PPM1A: variants seen among roughly 807,000 people sequenced by gnomAD.
The protein encoded by PPM1A is protein phosphatase, Mg2+/Mn2+ dependent 1A, also known as protein phosphatase 1A.
In PPM1A, 7 loss-of-function variants were observed where a neutral mutation model predicts 35.0. The ratio of observed to expected loss-of-function variants is 0.20; its 90% CI spans 0.11 to 0.38. The LOEUF (loss-of-function observed/expected upper bound fraction) is 0.38, where lower values mean the gene tolerates loss of function less well. Ranked by LOEUF, PPM1A falls within the 10% of genes least tolerant of loss-of-function variation. The probability of loss-of-function intolerance (pLI) is 1.00; values close to 1 mark genes in which losing one functional copy is unlikely to be tolerated. For synonymous variants in PPM1A, 153 were observed against 167.3 expected, an observed-to-expected ratio of 0.91 and a Z score of 0.66; for missense variants, 239 against 467.8, an observed-to-expected ratio of 0.51 and a Z score of 4.51.
At position 60,282,662 on chromosome 14, in the gene PPM1A, T is replaced by A. The variant is rs556003424; in HGVS notation, c.-20-22T>A. 6.2e-7 allele frequency: 1 copy of A among 1,601,730 alleles called. No homozygotes were observed. The highest frequency in any genetic ancestry group is 2.2e-5 in the East Asian group (1 of 44,688). ...TTGTTTATAAGACAGTTATTGACTT[T>A]CCTGTTTCTCTTCCTTTGCAGACCT... On this transcript the variant is annotated intron_variant, in intron 1 of 5. Transcript: ENST00000395076. The surrounding 1 kb of genome is among the most constrained non-coding windows in gnomAD (Gnocchi z 5.1).
chr14:60,284,166 A>T (rs1179057743), intron 2 of PPM1A, among the ~76,000 whole-genome samples: 2 of 152,256 alleles, frequency 1.3e-5, no homozygotes, highest in African/African-American at 4.8e-5. Context: ...GGGATAATAT[A>T]CACAGGTGAG....
At chr14:60,288,185 AT>A in intron 3 of PPM1A, 2 of 984,734 alleles carry the variant, frequency 2.0e-6, no homozygotes, top group African/African-American at 1.7e-5. Context: ...GCTTTACATT[AT>A]TTTTTTACAA....
Position 60,296,142 on chromosome 14 carries a change from G to A in PPM1A, c.*3660G>A, listed in dbSNP as rs1888049527. The A allele has an allele frequency of 6.6e-6, 1 of 151,716 alleles. No individual in the cohort carries two copies. Among genetic ancestry groups the A allele is most frequent in the South Asian group, 2.1e-4 (1 of 4,836 alleles). The allele number at this position is 151,716 out of a possible 1,614,324, so 9.4% of individuals were successfully genotyped here. On this transcript the variant is annotated 3_prime_UTR_variant, in exon 6 of 6. Transcript: ENST00000395076. This position sits in a 1 kb window ranked among gnomAD's most constrained non-coding sequence, Gnocchi z 4.4. ...ATATCTCTAGCTAAATTTATCTTAA[G>A]TAGAACTCTGTGTTTTTGTAACACA...
chr14:60,270,423 C>T (rs748813616), intron 1 of PPM1A, among the ~76,000 whole-genome samples: 1 of 151,828 alleles, frequency 6.6e-6, no homozygotes, highest in Admixed American at 6.6e-5. Context: ...TTTTTAGTTA[C>T]TTTTTTATTT....
chr14:60,279,105 T>C (rs1886090131), intron 1 of PPM1A, among the ~76,000 whole-genome samples: 1 of 151,936 alleles, frequency 6.6e-6, no homozygotes, highest in Admixed American at 6.6e-5. Context: ...TCACCTGGGA[T>C]GCACTCTATT....
upstream of PPM1A, among the ~76,000 whole-genome samples, chr14:60,249,005 G>A (rs1417387976): frequency 1.3e-5 from 2 of 152,150 alleles, no homozygotes; most frequent in Non-Finnish European, 2.9e-5. This position sits in a 1 kb window ranked among gnomAD's most constrained non-coding sequence, Gnocchi z 4.5. Context: ...CAGCAGCAGC[G>A]GCAGAGAAAG....
chr14:60,288,981 C>G (rs377299543), intron 3 of PPM1A, among the ~76,000 whole-genome samples: 8 of 152,048 alleles, frequency 5.3e-5, no homozygotes, highest in Non-Finnish European at 1.2e-4. Context: ...GTTCTTTGTT[C>G]ATAATTTTTT....
chr14:60,288,871 CAA>C (rs1187151498), intron 3 of PPM1A, among the ~76,000 whole-genome samples: 1 of 152,038 alleles, frequency 6.6e-6, no homozygotes, highest in Non-Finnish European at 1.5e-5. Flanking sequence ...ATATAACTTA[CAA>C]ATACTTTTGA....
intron 1 of PPM1A, among the ~76,000 whole-genome samples, chr14:60,272,227 T>C (rs771190499): frequency 6.6e-6 from 1 of 152,194 alleles, no homozygotes; most frequent in Admixed American, 6.5e-5. Flanking sequence ...ATCATGTTAT[T>C]AGAGTTAAAC....
intron 1 of PPM1A, among the ~76,000 whole-genome samples, chr14:60,281,890 A>C (rs1392152349): frequency 2.0e-5 from 3 of 151,630 alleles, no homozygotes; most frequent in Admixed American, 2.0e-4. Context: ...TTACTATATG[A>C]TTAATAGATT....
Position 60,283,514 on chromosome 14 carries a change from G to A in PPM1A, c.811G>A (p.Val271Ile), listed in dbSNP as rs2139538092. 1 of 1,613,128 alleles carries A rather than the reference G, an allele frequency of 6.2e-7. No individual in the cohort carries two copies. Among genetic ancestry groups the A allele is most frequent in the South Asian group, 1.1e-5 (1 of 90,866 alleles). Residue 271 changes from valine (V) to isoleucine (I), a missense_variant, in exon 2 of 6, where the codon GTA becomes ATA. Around this residue, in one of 2 missense-constraint regions of PPM1A, gnomAD observed 175 missense variants for 389.2 expected, o/e 0.45. Transcript: ENST00000395076. This position sits in a 1 kb window ranked among gnomAD's most constrained non-coding sequence, Gnocchi z 6.3. ...TGACCTTGAGAAAGTTTGCAATGAAGTAGTCGACACCTGTTTGTATAAGGT... is the reference window on the plus strand; with the variant it reads ...TGACCTTGAGAAAGTTTGCAATGAAATAGTCGACACCTGTTTGTATAAGGT... Reference protein sequence around the residue: ...TDDLEKVCNEVVDTCLYKGSR... With the variant: ...TDDLEKVCNEIVDTCLYKGSR...
At position 60,249,665 on chromosome 14, in the gene PPM1A, G is replaced by A. The variant is rs1483201879; in HGVS notation, c.-33G>A. 2 of 984,198 alleles carry A rather than the reference G, an allele frequency of 2.0e-6. No homozygotes were observed. The allele number at this position is 984,198 out of a possible 1,614,324, so 61.0% of individuals were successfully genotyped here. A position where few individuals can be genotyped will look rare whatever the true frequency, so the allele number is the denominator to read the frequency against. On this transcript the variant is annotated 5_prime_UTR_variant, in exon 1 of 6. Transcript: ENST00000395076. The surrounding 1 kb of genome is among the most constrained non-coding windows in gnomAD (Gnocchi z 4.5). Reference sequence around the variant, plus strand: ...CGGCCGACCAGGGACCTGCCCGCCTGCGGCTGCTCCGGGTAAGTGCGGCGC... The same window carrying A: ...CGGCCGACCAGGGACCTGCCCGCCTACGGCTGCTCCGGGTAAGTGCGGCGC...
rs1358329881 is a variant in PPM1A, at chr14:60,294,550, A to G, written c.*2068A>G. The G allele has an allele frequency of 6.6e-6, 1 of 151,896 alleles. No homozygotes were observed. Among genetic ancestry groups the G allele is most frequent in the Non-Finnish European group, 1.5e-5 (1 of 67,828 alleles). 9.4% of individuals were successfully genotyped at this position (151,896 alleles called of 1,614,324 possible). ...TGGTACTGAAAGCTAAATCCCTATT[A>G]TAACAAACCAGTTCCTTAATATTTT... is the stretch of plus-strand genomic sequence containing the variant. On this transcript the variant is annotated 3_prime_UTR_variant, in exon 6 of 6. Coordinates refer to ENST00000395076, the MANE Select transcript of PPM1A (RefSeq NM_021003.5).
At position 60,296,774 on chromosome 14, in the gene PPM1A, TTTG is replaced by T. The variant is rs1405603151; in HGVS notation, c.*4295_*4297del. ...CAGAATAATAAGTCTCAGTTAAATG[TTTG>T]TTATTACTGATAGTCAAAATGCTCA... On this transcript the variant is annotated 3_prime_UTR_variant, in exon 6 of 6. Transcript: ENST00000395076. This position sits in a 1 kb window ranked among gnomAD's most constrained non-coding sequence, Gnocchi z 4.4. 8.9e-6 allele frequency: 3 copies of T among 338,276 alleles called. No homozygotes were observed. Among genetic ancestry groups the T allele is most frequent in the Non-Finnish European group, 5.5e-6 (1 of 183,480 alleles). 21.0% of individuals were successfully genotyped at this position (338,276 alleles called of 1,614,324 possible). A position where few individuals can be genotyped will look rare whatever the true frequency, so the allele number is the denominator to read the frequency against.
At chr14:60,262,035 T>A (rs886208568) in intron 1 of PPM1A, among the ~76,000 whole-genome samples, 12 of 152,348 alleles carry the variant, frequency 7.9e-5, no homozygotes, top group African/African-American at 2.9e-4. Flanking sequence ...TATCTTATAC[T>A]TAATTTTTTA....
At chr14:60,279,337 G>C (rs757203938) in intron 1 of PPM1A, among the ~76,000 whole-genome samples, 2 of 152,048 alleles carry the variant, frequency 1.3e-5, no homozygotes, top group Non-Finnish European at 2.9e-5. Flanking sequence ...GTCTGGTCTC[G>C]AACTCCTGAC....
rs537888768 is a variant in PPM1A, at chr14:60,279,408, C to T, written c.-20-3276C>T. Among the ~76,000 whole-genome samples the T allele has an allele frequency of 7.0e-4, 107 of 152,306 alleles. 3 individuals carry two copies. The South Asian group carries it at 0.021, about 30-fold the overall frequency. ...CTGAGATTACAGGCGTGAGCCACTG[C>T]GCTCGGCCTATTTTATCTTTTTCAA... On this transcript the variant is annotated intron_variant, in intron 1 of 5. Coordinates refer to ENST00000395076, the MANE Select transcript of PPM1A (RefSeq NM_021003.5).
rs761720982 is a variant in PPM1A at position 60,283,548 on chromosome 14, T to A, written c.834+11T>A. 1 of 1,585,446 alleles carries A rather than the reference T, an allele frequency of 6.3e-7. No individual in the cohort carries two copies. Among genetic ancestry groups the A allele is most frequent in the Non-Finnish European group, 8.5e-7 (1 of 1,170,224 alleles). ...ACCTGTTTGTATAAGGTAGCTAGAC[T>A]TTTTTTAAAAACATAAAATGATTTT... On this transcript the variant is annotated intron_variant, in intron 2 of 5. Coordinates refer to ENST00000395076, the MANE Select transcript of PPM1A (RefSeq NM_021003.5). This position sits in a 1 kb window ranked among gnomAD's most constrained non-coding sequence, Gnocchi z 6.3.
At chr14:60,266,890 C>T (rs1884448179) in intron 1 of PPM1A, among the ~76,000 whole-genome samples, 1 of 152,118 alleles carries the variant, frequency 6.6e-6, no homozygotes, top group South Asian at 2.1e-4. Context: ...ACCATCTTCA[C>T]AATTTTGAAT....
Sources: allele counts gnomAD v4.1 joint callset (sites outside exome capture counted in the v4.1 genomes callset), GRCh38; gene constraint gnomAD v4.1.1; regional missense constraint gnomAD v4.1.1; non-coding constraint Gnocchi (gnomAD v3.1); transcripts MANE v1.5; gene names NCBI Gene and HGNC (gene_info 2026-07-23, HGNC 2026-07-21).